The following TSC1 variants were observed in gnomAD, a reference collection of about 807,000 sequenced individuals.
The protein encoded by TSC1 is TSC complex subunit 1, also known as hamartin.
A neutral mutation model predicts 124.3 loss-of-function variants in TSC1; 20 were observed. The observed-to-expected ratio is 0.16, with a 90% CI of 0.11 to 0.23. TSC1 has a LOEUF of 0.23. Among genes scored for constraint, TSC1 ranks in the 10% least tolerant of loss-of-function variants. The probability of loss-of-function intolerance (pLI) is 1.00; values close to 1 mark genes in which losing one functional copy is unlikely to be tolerated. For missense variants in TSC1, 1,124 were observed against 1,448.5 expected (o/e 0.78, Z 3.64); for synonymous variants, 493 against 539.1 (o/e 0.91, Z 1.19).
rs10901220 is a variant in TSC1, at chr9:132,906,176, G to A, written c.1439-37C>T. On this transcript the variant is annotated intron_variant, in intron 14 of 22. Coordinates refer to ENST00000298552, the MANE Select transcript of TSC1 (RefSeq NM_000368.5). This position sits in a 1 kb window ranked among gnomAD's most constrained non-coding sequence, Gnocchi z 4.1. ...AGAGGAAACAAAAGAAATGGCAGTC[G>A]GTATTCCACCTGGGAAAGACTAGGC... 228,362 of 1,596,800 alleles carry A rather than the reference G, an allele frequency of 0.14. 16,930 individuals carry two copies. Among genetic ancestry groups the A allele is most frequent in the African/African-American group, 0.22 (16,168 of 74,794 alleles).
intron 2 of TSC1, among the ~76,000 whole-genome samples, chr9:132,932,291 T>C (rs968563482): frequency 6.6e-6 from 1 of 152,172 alleles, no homozygotes; most frequent in African/African-American, 2.4e-5. Context: ...TAAAAGGCAC[T>C]ACCATCAGTC....
intron 3 of TSC1, 124 bp downstream of exon 3, chr9:132,928,643 T>C: frequency 8.3e-7 from 1 of 1,200,998 alleles, no homozygotes; most frequent in Non-Finnish European, 1.2e-6. Context: ...ATAGATACTC[T>C]CTTTGGGTGT....
chr9:132,935,208 C>G, intron 1 of TSC1, 113 bp from the exon 2 acceptor site: 1 of 396,254 alleles, frequency 2.5e-6, no homozygotes, highest in South Asian at 1.4e-4. Context: ...CAGGTGGCCA[C>G]CACGTTTCCA....
intron 12 of TSC1, among the ~76,000 whole-genome samples, chr9:132,908,327 A>G (rs9695992): frequency 0.16 from 23,907 of 152,220 alleles, 1,988 homozygotes; most frequent in African/African-American, 0.21. Context: ...ATATGGCTTC[A>G]TGAAAGACAG....
intron 4 of TSC1, 198 bp from the exon 5 acceptor site, chr9:132,925,937 G>A: frequency 1.5e-6 from 1 of 678,308 alleles, no homozygotes; most frequent in Admixed American, 2.8e-5. Context: ...CTGACAAAAG[G>A]CAGCCAGTTT....
Position 132,895,548 on chromosome 9 carries a change from G to A in TSC1, c.*687C>T. The stretch of plus-strand genomic sequence containing the variant: ...AGAAGAGACAAGAGCTTTCCCAAAG[G>A]GTGTGTGGTCTCCACAGTGCCAGCT... On this transcript the variant is annotated 3_prime_UTR_variant, in exon 23 of 23. Transcript: ENST00000298552. The A allele has an allele frequency of 4.3e-6, 1 of 234,162 alleles. No homozygotes were observed. The highest frequency in any genetic ancestry group is 8.4e-6 in the Non-Finnish European group (1 of 118,542). The allele number at this position is 234,162 out of a possible 1,614,324, so 14.5% of individuals were successfully genotyped here.
chr9:132,943,150 T>C (rs1333367428), intron 1 of TSC1, among the ~76,000 whole-genome samples: 1 of 151,958 alleles, frequency 6.6e-6, no homozygotes, highest in Non-Finnish European at 1.5e-5. Context: ...AATCAAAGTA[T>C]CTCAGAAGAG....
At chr9:132,928,333 C>A (rs969516695) in intron 3 of TSC1, among the ~76,000 whole-genome samples, 5 of 152,166 alleles carry the variant, frequency 3.3e-5, no homozygotes, top group African/African-American at 1.2e-4. Context: ...AATTCATATT[C>A]CTGCTAACAG....
chr9:132,906,738 T>C lies in TSC1; in HGVS notation c.1431A>G (p.Lys477=), dbSNP rs2131862006. 6.2e-7 allele frequency: 1 copy of C among 1,613,600 alleles called. No individual in the cohort carries two copies. The highest frequency in any genetic ancestry group is 8.5e-7 in the Non-Finnish European group (1 of 1,179,682). Residue 477 remains lysine (K), a synonymous_variant, in exon 14 of 23, where the codon AAA becomes AAG. Coordinates refer to ENST00000298552, the MANE Select transcript of TSC1 (RefSeq NM_000368.5). This position sits in a 1 kb window ranked among gnomAD's most constrained non-coding sequence, Gnocchi z 4.1. ...ASEEDSIEKD[K]EEAAISRELS... ...CAATCCCACATACATTACCTTCTTCTTTATCTTTTTCAATACTATCTTCTT... is the reference window on the plus strand; with the variant it reads ...CAATCCCACATACATTACCTTCTTCCTTATCTTTTTCAATACTATCTTCTT...
intron 4 of TSC1, 109 bp downstream of exon 4, chr9:132,927,092 G>T: frequency 9.7e-7 from 1 of 1,029,994 alleles, no homozygotes; most frequent in South Asian, 1.4e-5. Context: ...CATCAGTGGC[G>T]CACAGAAATC....
At chr9:132,933,625 T>C (rs761879354) in intron 2 of TSC1, among the ~76,000 whole-genome samples, 2 of 152,180 alleles carry the variant, frequency 1.3e-5, no homozygotes, top group Non-Finnish European at 2.9e-5. Context: ...CCAATGACGC[T>C]GTGTGCCAGT....
chr9:132,918,626 C>T (rs890625588), intron 8 of TSC1, among the ~76,000 whole-genome samples: 1 of 152,138 alleles, frequency 6.6e-6, no homozygotes, highest in Non-Finnish European at 1.5e-5. Flanking sequence ...AATGCCCAGA[C>T]CACCAACCCT....
intron 2 of TSC1, among the ~76,000 whole-genome samples, chr9:132,932,567 G>T (rs1847257669): frequency 6.6e-6 from 1 of 152,110 alleles, no homozygotes; most frequent in Non-Finnish European, 1.5e-5. Context: ...GGCTTCCCAT[G>T]GAATTAATAA....
intron 6 of TSC1, 51 bp from the exon 7 acceptor site, chr9:132,922,024 G>A (rs2132165064): frequency 6.2e-7 from 1 of 1,612,582 alleles, no homozygotes; most frequent in Non-Finnish European, 8.5e-7. Context: ...ACAGATTGAG[G>A]AGTGCAAAAC....
chr9:132,926,393 G>T (rs1027608134), intron 4 of TSC1: 7 of 157,876 alleles, frequency 4.4e-5, no homozygotes, highest in African/African-American at 1.7e-4. Flanking sequence ...TCAAATCCTG[G>T]GGAAGTTGCT....
At chr9:132,922,102 GGAA>G (rs1846601501) in intron 6 of TSC1, 129 bp from the exon 7 acceptor site, 1 of 1,123,544 alleles carries the variant, frequency 8.9e-7, no homozygotes, top group Admixed American at 2.0e-5. Flanking sequence ...TCCAAAGACA[GGAA>G]GAGTGGTTTT....
At chr9:132,914,150 T>A (rs1372416929) in intron 8 of TSC1, among the ~76,000 whole-genome samples, 2 of 152,052 alleles carry the variant, frequency 1.3e-5, no homozygotes, top group African/African-American at 4.8e-5. Context: ...TCCACCTGCC[T>A]TAGCCTCCCA....
In TSC1 at chr9:132,923,624, C is replaced by A; in HGVS notation, c.364-132G>T. ...CAAGTTGACTCACGTACTCATTTCC[C>A]TATCCCTAAGGATTACTGAAGGGAT... On this transcript the variant is annotated intron_variant, in intron 5 of 22. Transcript: ENST00000298552. The surrounding 1 kb of genome is among the most constrained non-coding windows in gnomAD (Gnocchi z 4.2). 7.8e-7 allele frequency: 1 copy of A among 1,283,504 alleles called. No individual in the cohort carries two copies. Among genetic ancestry groups the A allele is most frequent in the East Asian group, 2.4e-5 (1 of 41,414 alleles). The allele number at this position is 1,283,504 out of a possible 1,614,324, so 79.5% of individuals were successfully genotyped here. A position where few individuals can be genotyped will look rare whatever the true frequency, so the allele number is the denominator to read the frequency against.
chr9:132,910,863 GA>G, intron 11 of TSC1, 138 bp downstream of exon 11: 3 of 1,300,406 alleles, frequency 2.3e-6, no homozygotes, highest in Non-Finnish European at 3.3e-6. Context: ...TACACATTCT[GA>G]AAGCCCCAGG....
Sources: allele counts gnomAD v4.1 joint callset (sites outside exome capture counted in the v4.1 genomes callset), GRCh38; gene constraint gnomAD v4.1.1; non-coding constraint Gnocchi (gnomAD v3.1); transcripts MANE v1.5; gene names NCBI Gene and HGNC (gene_info 2026-07-23, HGNC 2026-07-21).